OLFM3: variants seen among roughly 807,000 people sequenced by gnomAD.
The protein encoded by OLFM3 is olfactomedin 3, also known as noelin-3.
In OLFM3, 20 loss-of-function variants were observed where a neutral mutation model predicts 48.6. The ratio of observed to expected loss-of-function variants is 0.41; its 90% CI spans 0.29 to 0.60. The LOEUF (loss-of-function observed/expected upper bound fraction) is 0.60. Among genes scored for constraint, OLFM3 ranks in the 20% least tolerant of loss-of-function variants. The pLI is 0.28. For missense variants in OLFM3, 437 were observed against 544.3 expected, an observed-to-expected ratio of 0.80 and a Z score of 1.96; for synonymous variants, 222 against 198.1, an observed-to-expected ratio of 1.12 and a Z score of -1.01.
chr1:101,812,867 T>A (rs1654136036), intron 4 of OLFM3: 1 of 994,352 alleles, frequency 1.0e-6, no homozygotes. Flanking sequence ...CAGTCAATCA[T>A]ACCTTAGAAA....
At chr1:101,889,568 G>GT (rs1657907935) in intron 1 of OLFM3, among the ~76,000 whole-genome samples, 1 of 151,932 alleles carries the variant, frequency 6.6e-6, no homozygotes, top group African/African-American at 2.4e-5. Context: ...GAGTCAATGG[G>GT]TGCAGCACAC....
intron 3 of OLFM3, among the ~76,000 whole-genome samples, chr1:101,828,066 G>GTCTCTCTCTGTCTC (rs1654968399): frequency 7.0e-6 from 1 of 141,898 alleles, no homozygotes; most frequent in Admixed American, 7.3e-5. Context: ...CTCTCTCTCT[G>GTCTCTCTCTGTCTC]TCTCTCTCTC....
At chr1:101,963,020 G>C (rs56276876) in intron 1 of OLFM3, among the ~76,000 whole-genome samples, 2,032 of 152,260 alleles carry the variant, frequency 0.013, 28 homozygotes, top group Middle Eastern at 0.044. Flanking sequence ...TTCCCTAGTG[G>C]GCTCTCTTTC....
Position 101,924,153 on chromosome 1 carries a change from G to A in OLFM3, c.69+72595C>T, listed in dbSNP as rs545428406. The stretch of plus-strand genomic sequence containing the variant: ...TTTGCTTAGAAAATGAACCAGCTTC[G>A]TTAAATTTAAACATCAATTGACACG... On this transcript the variant is annotated intron_variant, in intron 1 of 5. Coordinates refer to ENST00000370103, the MANE Select transcript of OLFM3 (RefSeq NM_058170.4). 6.6e-5 allele frequency among the ~76,000 whole-genome samples: 10 copies of A among 152,194 alleles called. 1 individual carries two copies. Among genetic ancestry groups the A allele is most frequent in the African/African-American group, 2.2e-4 (9 of 41,564 alleles).
intron 1 of OLFM3, among the ~76,000 whole-genome samples, chr1:101,909,405 T>C (rs945708300): frequency 2.6e-5 from 4 of 152,242 alleles, no homozygotes; most frequent in African/African-American, 9.6e-5. Context: ...AGGCTTATAA[T>C]AGACACTGAG....
chr1:101,859,431 A>G (rs1359560689), intron 1 of OLFM3, among the ~76,000 whole-genome samples: 4 of 152,122 alleles, frequency 2.6e-5, no homozygotes, highest in Non-Finnish European at 5.9e-5. Flanking sequence ...TAGGCACATT[A>G]CACAGGATTT....
chr1:101,885,389 A>G (rs1657709222), intron 1 of OLFM3, among the ~76,000 whole-genome samples: 1 of 152,094 alleles, frequency 6.6e-6, no homozygotes, highest in African/African-American at 2.4e-5. Context: ...ACTGAAATAA[A>G]GCAAATGATG....
chr1:101,836,903 C>A lies in OLFM3; in HGVS notation c.192G>T (p.Arg64Ser). The A allele has an allele frequency of 6.2e-7, 1 of 1,614,100 alleles. No individual in the cohort carries two copies. Among genetic ancestry groups the A allele is most frequent in the Admixed American group, 1.7e-5 (1 of 60,002 alleles). ...CCTTTTCCAGTAGTTGGCGAAGTTG[C>A]CTGCTTTTGGCATCCCGGGAACACA... ...QNLCSRDAKSRQLRQLLEKVQ... is the reference protein window; with the variant it reads ...QNLCSRDAKSSQLRQLLEKVQ... Residue 64 changes from arginine to serine, a missense_variant, in exon 2 of 6, where the codon AGG (arginine) becomes AGT (serine). Coordinates refer to ENST00000370103, the MANE Select transcript of OLFM3 (RefSeq NM_058170.4).
At chr1:101,948,699 A>T (rs1169345509) in intron 1 of OLFM3, among the ~76,000 whole-genome samples, 1 of 151,996 alleles carries the variant, frequency 6.6e-6, no homozygotes, top group Non-Finnish European at 1.5e-5. Flanking sequence ...CAAATTGGGT[A>T]CTAAAAGAAC....
chr1:101,907,558 G>A (rs1658596203), intron 1 of OLFM3, among the ~76,000 whole-genome samples: 1 of 152,206 alleles, frequency 6.6e-6, no homozygotes, highest in African/African-American at 2.4e-5. Flanking sequence ...ACCAGGTAGG[G>A]ATAGCAAAGA....
intron 4 of OLFM3, among the ~76,000 whole-genome samples, chr1:101,820,552 T>C (rs1654563247): frequency 6.6e-6 from 1 of 152,226 alleles, no homozygotes; most frequent in South Asian, 2.1e-4. Flanking sequence ...AGGACATTAC[T>C]GTACCTCATT....
chr1:101,896,971 C>T (rs1374436305), intron 1 of OLFM3, among the ~76,000 whole-genome samples: 1 of 152,066 alleles, frequency 6.6e-6, no homozygotes, highest in East Asian at 1.9e-4. Flanking sequence ...GGATTAATTC[C>T]CTTTGCGCTT....
intron 1 of OLFM3, among the ~76,000 whole-genome samples, chr1:101,935,086 C>G (rs7548767): frequency 0.052 from 7,826 of 151,550 alleles, 658 homozygotes; most frequent in African/African-American, 0.17. Flanking sequence ...AAACCCACCC[C>G]AAAGGTAGCA....
At chr1:101,963,897 T>A (rs890900190) in intron 1 of OLFM3, among the ~76,000 whole-genome samples, 1 of 152,226 alleles carries the variant, frequency 6.6e-6, no homozygotes, top group Non-Finnish European at 1.5e-5. Flanking sequence ...AATACTGATT[T>A]ACAAATGAGT....
rs1004731536 is a variant in OLFM3, at chr1:101,803,431, T to C, written c.*807A>G. 3.9e-5 allele frequency: 6 copies of C among 152,248 alleles called. No homozygotes were observed. The highest frequency in any genetic ancestry group is 1.4e-4 in the African/African-American group (6 of 41,504). The allele number at this position is 152,248 out of a possible 1,614,324, so 9.4% of individuals were successfully genotyped here. A position where few individuals can be genotyped will look rare whatever the true frequency, so the allele number is the denominator to read the frequency against. ...GTATGAAATCAGTTGTTGCATTCAA[T>C]GTCAGTGGCCCAAAAAACTTGGGGT... On this transcript the variant is annotated 3_prime_UTR_variant, in exon 6 of 6. Coordinates refer to ENST00000370103, the MANE Select transcript of OLFM3 (RefSeq NM_058170.4).
chr1:101,871,120 C>T (rs1297147751), intron 1 of OLFM3, among the ~76,000 whole-genome samples: 1 of 151,946 alleles, frequency 6.6e-6, no homozygotes, highest in African/African-American at 2.4e-5. Context: ...TTACCAAACT[C>T]CTTGACAGCA....
chr1:101,825,255 G>A lies in OLFM3; in HGVS notation c.373-10C>T, dbSNP rs769228247. Reference sequence around the variant, plus strand: ...TTTTCTCTTTCAACTCCTGTGAAAAGCAGCCTATTGTTCCTGAGAGTCATT... The same window carrying A: ...TTTTCTCTTTCAACTCCTGTGAAAAACAGCCTATTGTTCCTGAGAGTCATT... On this transcript the variant is annotated splice_polypyrimidine_tract_variant and intron_variant, in intron 3 of 5. Coordinates refer to ENST00000370103, the MANE Select transcript of OLFM3 (RefSeq NM_058170.4). 1.2e-6 allele frequency: 2 copies of A among 1,608,348 alleles called. No individual in the cohort carries two copies. The highest frequency in any genetic ancestry group is 2.2e-5 in the East Asian group (1 of 44,824).
intron 1 of OLFM3, among the ~76,000 whole-genome samples, chr1:101,873,177 G>A (rs996227668): frequency 1.3e-5 from 2 of 151,872 alleles, no homozygotes; most frequent in Non-Finnish European, 2.9e-5. Flanking sequence ...ATAAAAACAT[G>A]AGCATGAGAA....
At position 101,910,334 on chromosome 1, in the gene OLFM3, C is replaced by T. The variant is rs1658710696; in HGVS notation, c.70-73309G>A. On this transcript the variant is annotated intron_variant, in intron 1 of 5. Transcript: ENST00000370103. ...ACAAAAAATTAGCCGGGCGTGGTAG[C>T]GGGCGCCTGTAATCCCAGCTGCTCA... Among the ~76,000 whole-genome samples, 7 of 151,960 alleles carry T rather than the reference C, an allele frequency of 4.6e-5. No homozygotes were observed. In the South Asian group the frequency reaches 6.2e-4, roughly 14 times the overall value.
Sources: gnomAD v4.1 joint callset for allele counts (sites outside exome capture counted in the v4.1 genomes callset) on GRCh38, gnomAD v4.1.1 for gene constraint, MANE v1.5 for transcripts, NCBI Gene and HGNC (gene_info 2026-07-23, HGNC 2026-07-21) for gene names.